The following TGFBR3 variants were observed in gnomAD, a reference collection of about 807,000 sequenced individuals.
TGFBR3 encodes the protein transforming growth factor beta receptor 3.
Under a neutral mutation model 87.9 loss-of-function variants are expected in TGFBR3, and 46 were observed. The observed-to-expected ratio is 0.52, with a 90% CI of 0.41 to 0.67. The LOEUF (loss-of-function observed/expected upper bound fraction) is 0.67, where lower values mean the gene tolerates loss of function less well. Among genes scored for constraint, TGFBR3 ranks in the 30% least tolerant of loss-of-function variants. TGFBR3 has a pLI of 0.00. For synonymous variants in TGFBR3, 381 were observed against 391.6 expected (o/e 0.97, Z 0.32); for missense variants, 866 against 1,041.9 (o/e 0.83, Z 2.32).
chr1:91,849,908 C>A (rs1466034193), intron 2 of TGFBR3, among the ~76,000 whole-genome samples: 1 of 151,800 alleles, frequency 6.6e-6, no homozygotes, highest in African/African-American at 2.4e-5. Flanking sequence ...CGGTGAAACC[C>A]CGTCTCTGCT....
chr1:91,705,876 T>G (rs1163921284), intron 14 of TGFBR3, among the ~76,000 whole-genome samples: 1 of 152,224 alleles, frequency 6.6e-6, no homozygotes, highest in African/African-American at 2.4e-5. Flanking sequence ...ACTTTCCTCT[T>G]GAACTTTTAT....
At chr1:91,786,436 T>A (rs566273574) in intron 3 of TGFBR3, among the ~76,000 whole-genome samples, 1 of 152,066 alleles carries the variant, frequency 6.6e-6, no homozygotes, top group Non-Finnish European at 1.5e-5. Flanking sequence ...AATGTGGTGA[T>A]TGGCCAAATA....
intron 14 of TGFBR3, among the ~76,000 whole-genome samples, chr1:91,699,334 G>A (rs1671541743): frequency 2.0e-5 from 3 of 151,398 alleles, no homozygotes; most frequent in African/African-American, 7.3e-5. Flanking sequence ...CATCCCAGCA[G>A]AGCTAGTCTC....
Position 91,790,463 on chromosome 1 carries a change from A to G in TGFBR3, c.246+6824T>C, listed in dbSNP as rs147747322. ...ATGTGTCTCTGTCATGAAGCAATGCATGACAGTATCTGTTAAGGACTGGTG... is the reference window on the plus strand; with the variant it reads ...ATGTGTCTCTGTCATGAAGCAATGCGTGACAGTATCTGTTAAGGACTGGTG... On this transcript the variant is annotated intron_variant, in intron 3 of 16. Coordinates refer to ENST00000212355, the MANE Select transcript of TGFBR3 (RefSeq NM_003243.5). 3.3e-3 allele frequency among the ~76,000 whole-genome samples: 509 copies of G among 152,346 alleles called. 6 individuals are homozygous for G. The highest frequency in any genetic ancestry group is 0.012 in the African/African-American group (489 of 41,582).
At chr1:91,872,209 C>G (rs1209991192) in intron 1 of TGFBR3, among the ~76,000 whole-genome samples, 1 of 152,174 alleles carries the variant, frequency 6.6e-6, no homozygotes, top group African/African-American at 2.4e-5. Context: ...TCTAACTTTA[C>G]TATTACACTA....
At chr1:91,716,753 C>A (rs780640180) in intron 10 of TGFBR3, 45 bp from the exon 11 acceptor site, 2 of 1,612,818 alleles carry the variant, frequency 1.2e-6, no homozygotes, top group South Asian at 2.2e-5. Context: ...AAACACCAAA[C>A]CATGTGTGTT....
chr1:91,692,226 C>T (rs895622917), intron 16 of TGFBR3, among the ~76,000 whole-genome samples: 1 of 152,064 alleles, frequency 6.6e-6, no homozygotes, highest in Non-Finnish European at 1.5e-5. Flanking sequence ...GGACATTTTC[C>T]ATAACAGGAG....
chr1:91,742,824 G>T (rs528088801), intron 4 of TGFBR3, among the ~76,000 whole-genome samples: 2 of 152,254 alleles, frequency 1.3e-5, no homozygotes, highest in African/African-American at 4.8e-5. Context: ...CACAACATTT[G>T]TATTTGAAAT....
chr1:91,705,063 G>A (rs1571423523), intron 14 of TGFBR3, among the ~76,000 whole-genome samples: 1 of 152,288 alleles, frequency 6.6e-6, no homozygotes, highest in East Asian at 1.9e-4. Flanking sequence ...CACCTGTGTA[G>A]TAAAAGCACA....
At chr1:91,721,850 G>T in intron 8 of TGFBR3, 105 bp downstream of exon 8, 2 of 1,064,422 alleles carry the variant, frequency 1.9e-6, no homozygotes, top group Non-Finnish European at 2.7e-6. Flanking sequence ...TTATTAAAAT[G>T]TACAAGAGAA....
chr1:91,797,319 C>T lies in TGFBR3; in HGVS notation c.214G>A (p.Ala72Thr). ...QEVHVLNLRT[A>T]GQGPGQLQRE... Reference sequence around the variant, plus strand: ...TGTAGCTGGCCAGGCCCCTGGCCTGCAGTGCGGAGATTCAGGACATGCACC... The same window carrying T: ...TGTAGCTGGCCAGGCCCCTGGCCTGTAGTGCGGAGATTCAGGACATGCACC... The change falls in exon 3 of 17, where the codon GCA becomes ACA. Residue 72 changes from alanine to threonine, a missense_variant. Ala to Thr is a moderately conservative substitution (Grantham distance 58). Coordinates refer to ENST00000212355, the MANE Select transcript of TGFBR3 (RefSeq NM_003243.5). The T allele has an allele frequency of 6.2e-7, 1 of 1,614,236 alleles. No homozygotes were observed. The highest frequency in any genetic ancestry group is 1.1e-5 in the South Asian group (1 of 91,082).
In TGFBR3 at chr1:91,832,008, A is replaced by G. The variant is rs568971999; in HGVS notation, c.61+29463T>C. Among the ~76,000 whole-genome samples, 75 of 152,274 alleles carry G rather than the reference A, an allele frequency of 4.9e-4. 1 individual carries two copies. In the East Asian group the frequency reaches 0.013, roughly 25 times the overall value. ...TGTCATTTTTCTTTCTGTATTATCT[A>G]TTTTTTTCCATGTTGCCTTATGAAC... On this transcript the variant is annotated intron_variant, in intron 2 of 16. Coordinates refer to ENST00000212355, the MANE Select transcript of TGFBR3 (RefSeq NM_003243.5).
chr1:91,901,491 G>A (rs528338535), intron 1 of TGFBR3, among the ~76,000 whole-genome samples: 48 of 152,198 alleles, frequency 3.2e-4, no homozygotes, highest in African/African-American at 1.2e-3. Flanking sequence ...TTTTTATTCA[G>A]CTTTTTGTTT....
At chr1:91,855,541 GTTTTGT>G (rs903621303) in intron 2 of TGFBR3, among the ~76,000 whole-genome samples, 15 of 151,848 alleles carry the variant, frequency 9.9e-5, no homozygotes, top group African/African-American at 1.7e-4. Context: ...TTGGGAGGTT[GTTTTGT>G]TTTTGTTTTT....
rs146831365 is a variant in TGFBR3, at chr1:91,687,737, A to G, written c.2438-3880T>C. On this transcript the variant is annotated intron_variant, in intron 16 of 16. Coordinates refer to ENST00000212355, the MANE Select transcript of TGFBR3 (RefSeq NM_003243.5). ...GTTTAAATGGCAGGACTAGGGATTT[A>G]GATCAGATAGAAAAGAACTTGCTGA... Among the ~76,000 whole-genome samples the G allele has an allele frequency of 1.6e-3, 243 of 152,342 alleles. 1 individual carries two copies. The highest frequency in any genetic ancestry group is 5.7e-3 in the African/African-American group (238 of 41,590).
intron 2 of TGFBR3, among the ~76,000 whole-genome samples, chr1:91,818,278 CTTTTTTTTTTTTTTTTTTTTTTTT>C (rs760050197): frequency 3.1e-5 from 1 of 32,468 alleles, no homozygotes; most frequent in African/African-American, 9.9e-5. Flanking sequence ...TAGCCCCAGC[CTTTTTTTTTTTTTTTTTTTTTTTT>C]TTTTTTTTTT....
chr1:91,811,169 G>GGGCCGGGC (rs1676017754), intron 2 of TGFBR3, among the ~76,000 whole-genome samples: 1 of 152,136 alleles, frequency 6.6e-6, no homozygotes, highest in African/African-American at 2.4e-5. Flanking sequence ...AAATTAGCCA[G>GGGCCGGGC]GCATGGTGGT....
chr1:91,763,670 A>G (rs1674058695), intron 3 of TGFBR3, among the ~76,000 whole-genome samples: 1 of 152,176 alleles, frequency 6.6e-6, no homozygotes, highest in Admixed American at 6.5e-5. Flanking sequence ...CAGCACCCAC[A>G]CTTTGCACCC....
intron 2 of TGFBR3, among the ~76,000 whole-genome samples, chr1:91,837,208 T>A (rs1237035986): frequency 6.8e-6 from 1 of 147,892 alleles, no homozygotes; most frequent in African/African-American, 2.5e-5. Context: ...TCATGAAGAC[T>A]ATAAGTAAGG....
Sources: allele counts gnomAD v4.1 joint callset (sites outside exome capture counted in the v4.1 genomes callset), GRCh38; gene constraint gnomAD v4.1.1; transcripts MANE v1.5; gene names NCBI Gene and HGNC (gene_info 2026-07-23, HGNC 2026-07-21).